The following TMC1 variants were observed in gnomAD, a reference collection of about 807,000 sequenced individuals.
The protein encoded by TMC1 is transmembrane channel like 1, also known as transmembrane channel-like protein 1.
In TMC1, 84 loss-of-function variants were observed where a neutral mutation model predicts 105.8. The ratio of observed to expected loss-of-function variants is 0.79; its 90% confidence interval spans 0.67 to 0.95. The LOEUF (loss-of-function observed/expected upper bound fraction) is 0.95, where lower values mean the gene tolerates loss of function less well. Ranked by LOEUF, TMC1 falls within the 40% of genes least tolerant of loss-of-function variation. The pLI, the probability that TMC1 is intolerant of heterozygous loss-of-function variation, is 0.00. For missense variants in TMC1, 817 were observed against 914.1 expected (o/e 0.89, Z 1.37); for synonymous variants, 315 against 311.5 (o/e 1.01, Z -0.12).
At position 72,632,560 on chromosome 9, in the gene TMC1, A is replaced by G. The variant is rs139710817; in HGVS notation, c.-53+4497A>G. Among the ~76,000 whole-genome samples the G allele has an allele frequency of 6.6e-5, 10 of 152,334 alleles. No homozygotes were observed. In the East Asian group the frequency reaches 1.2e-3, roughly 18 times the overall value. ...AGAGGACAGAGAATGGAGTTCGAAG[A>G]TACATCTAAGAACTTTACATATTCC... On this transcript the variant is annotated intron_variant, in intron 4 of 23. Transcript: ENST00000297784.
chr9:72,824,297 C>T lies in TMC1; in HGVS notation c.2004-2572C>T, dbSNP rs149650614. Among the ~76,000 whole-genome samples the T allele has an allele frequency of 3.3e-5, 5 of 152,352 alleles. No individual in the cohort carries two copies. In the East Asian group the frequency reaches 9.6e-4, roughly 29 times the overall value. On this transcript the variant is annotated intron_variant, in intron 20 of 23. Transcript: ENST00000297784. ...CTGATGGATGGCAGTGTCTTAGCAGCTCAGTTGGCCCCTTGCCTCATCATG... is the reference window on the plus strand; with the variant it reads ...CTGATGGATGGCAGTGTCTTAGCAGTTCAGTTGGCCCCTTGCCTCATCATG...
intron 3 of TMC1, among the ~76,000 whole-genome samples, chr9:72,620,288 C>T (rs78977345): frequency 3.9e-5 from 6 of 152,174 alleles, no homozygotes; most frequent in South Asian, 2.1e-4. Flanking sequence ...GTTGCCCAGA[C>T]GGGAGTGCAG....
intron 2 of TMC1, among the ~76,000 whole-genome samples, chr9:72,584,502 A>C (rs989293111): frequency 6.6e-6 from 1 of 152,142 alleles, no homozygotes; most frequent in South Asian, 2.1e-4. Context: ...CCTGAGCTCA[A>C]GTGATCTGCC....
intron 2 of TMC1, among the ~76,000 whole-genome samples, chr9:72,589,825 C>T (rs1824607213): frequency 6.6e-6 from 1 of 152,162 alleles, no homozygotes. Context: ...CTTCATTTTG[C>T]AGATGAGGAA....
rs71495332 is a variant in TMC1, at chr9:72,677,129, T to TACACACACAC, written c.17-11554_17-11545dup. 3.8e-3 allele frequency among the ~76,000 whole-genome samples: 555 copies of TACACACACAC among 145,210 alleles called. 4 individuals carry two copies. Among genetic ancestry groups the TACACACACAC allele is most frequent in the African/African-American group, 0.013 (517 of 39,550 alleles). ...CAGGGCACTCTAGGGGAACAGAAAT[T>TACACACACAC]ACACACACACACACACACACACACA... On this transcript the variant is annotated intron_variant, in intron 5 of 23. Transcript: ENST00000297784.
intron 8 of TMC1, among the ~76,000 whole-genome samples, chr9:72,706,844 G>A (rs1386039151): frequency 2.0e-5 from 3 of 149,616 alleles, no homozygotes; most frequent in South Asian, 2.1e-4. Context: ...GCGTGATCTC[G>A]GCTCACTGCA....
At chr9:72,636,446 C>T (rs1222957428) in intron 4 of TMC1, among the ~76,000 whole-genome samples, 2 of 152,110 alleles carry the variant, frequency 1.3e-5, no homozygotes, top group Non-Finnish European at 2.9e-5. Flanking sequence ...CCTGTTATCT[C>T]AGCACTTTGG....
chr9:72,793,389 G>C (rs3970310), intron 17 of TMC1, among the ~76,000 whole-genome samples: 10,213 of 152,218 alleles, frequency 0.067, 399 homozygotes, highest in African/African-American at 0.1. Flanking sequence ...GGGAAAGTGT[G>C]GGCCATCATC....
intron 8 of TMC1, among the ~76,000 whole-genome samples, chr9:72,706,161 GTTGGGAAAACT>G (rs1272481363): frequency 5.3e-5 from 8 of 152,192 alleles, no homozygotes; most frequent in Non-Finnish European, 1.0e-4. Flanking sequence ...TAATGGAGCT[GTTGGGAAAACT>G]TTGGGAAAAC....
At chr9:72,759,400 A>G (rs1056341147) in intron 12 of TMC1, among the ~76,000 whole-genome samples, 9 of 152,192 alleles carry the variant, frequency 5.9e-5, no homozygotes, top group African/African-American at 1.7e-4. Context: ...AGCAGCATAT[A>G]CAAGGATGGG....
chr9:72,651,578 A>G (rs542673696), intron 5 of TMC1: 5 of 152,014 alleles, frequency 3.3e-5, no homozygotes, highest in Middle Eastern at 3.4e-3. Flanking sequence ...GAATTTGATG[A>G]TGTGCATGAT....
chr9:72,698,348 G>A (rs1421378273), intron 7 of TMC1, among the ~76,000 whole-genome samples: 2 of 152,140 alleles, frequency 1.3e-5, no homozygotes, highest in African/African-American at 4.8e-5. Flanking sequence ...CTATAAATTG[G>A]TGGCAAATAA....
chr9:72,791,938 T>A lies in TMC1; in HGVS notation c.1277T>A (p.Leu426Ter). The change falls in exon 16 of 24, where the codon TTA (leucine) becomes TAA (stop). Residue 426 changes from leucine (L) to a stop codon, truncating the protein, a stop_gained. Transcript: ENST00000297784. LOFTEE classifies it high-confidence loss of function. ...LGMFCPTLFD[L>*]FAELEDYHPL... Reference sequence around the variant, plus strand: ...ATGTTCTGTCCAACATTGTTTGACTTATTTGCTGAATTAGAAGACTACCAT... The same window carrying A: ...ATGTTCTGTCCAACATTGTTTGACTAATTTGCTGAATTAGAAGACTACCAT... 1 of 1,613,874 alleles carries A rather than the reference T, an allele frequency of 6.2e-7. No homozygotes were observed. The highest frequency in any genetic ancestry group is 8.5e-7 in the Non-Finnish European group (1 of 1,179,954).
chr9:72,661,580 C>A (rs1167863604), intron 5 of TMC1, among the ~76,000 whole-genome samples: 1 of 152,164 alleles, frequency 6.6e-6, no homozygotes, highest in Non-Finnish European at 1.5e-5. Context: ...CCCTTTCATA[C>A]TTCTGTGGTA....
At chr9:72,598,652 C>T (rs1824758627) in intron 2 of TMC1, among the ~76,000 whole-genome samples, 1 of 152,174 alleles carries the variant, frequency 6.6e-6, no homozygotes, top group Non-Finnish European at 1.5e-5. Context: ...TGATCCTTGC[C>T]TTCTGCCTGC....
intron 5 of TMC1, among the ~76,000 whole-genome samples, chr9:72,682,998 G>C (rs1826312592): frequency 1.3e-5 from 2 of 152,158 alleles, no homozygotes; most frequent in Non-Finnish European, 2.9e-5. Flanking sequence ...ACAAGATCTT[G>C]TGAGAACTCA....
At chr9:72,551,980 C>T (rs1309977885) in intron 1 of TMC1, among the ~76,000 whole-genome samples, 2 of 152,080 alleles carry the variant, frequency 1.3e-5, no homozygotes, top group African/African-American at 4.8e-5. Flanking sequence ...GAGAGTATGG[C>T]CCTGCTGACA....
chr9:72,688,647 C>A, intron 5 of TMC1, 62 bp from the exon 6 acceptor site: 1 of 1,441,914 alleles, frequency 6.9e-7, no homozygotes, highest in Non-Finnish European at 9.7e-7. Context: ...AAAGTAAAAA[C>A]CACTTACTAA....
chr9:72,818,020 C>T (rs1828813574), intron 19 of TMC1, among the ~76,000 whole-genome samples: 1 of 152,070 alleles, frequency 6.6e-6, no homozygotes, highest in Non-Finnish European at 1.5e-5. Context: ...ATATTCTTTT[C>T]CTAACCCTAG....
Sources: allele counts gnomAD v4.1 joint callset (sites outside exome capture counted in the v4.1 genomes callset), GRCh38; gene constraint gnomAD v4.1.1; transcripts MANE v1.5; gene names NCBI Gene and HGNC (gene_info 2026-07-23, HGNC 2026-07-21).